The following SAMD8 variants were observed in gnomAD, a reference collection of about 807,000 sequenced individuals.
SAMD8 encodes sphingomyelin synthase-related protein 1.
SAMD8 carries 20 observed loss-of-function variants against 42.0 expected under a neutral mutation model. That is an observed-to-expected ratio of 0.48 (90% CI 0.34 to 0.69). SAMD8 has a LOEUF of 0.69. Ranked by LOEUF, SAMD8 falls within the 30% of genes least tolerant of loss-of-function variation. The pLI, the probability that SAMD8 is intolerant of heterozygous loss-of-function variation, is 0.01. For missense variants in SAMD8, 328 were observed against 511.6 expected (o/e 0.64, Z 3.46); for synonymous variants, 162 against 173.0 (o/e 0.94, Z 0.50).
chr10:75,129,648 A>G (rs997435432), intron 1 of SAMD8, among the ~76,000 whole-genome samples: 3 of 152,336 alleles, frequency 2.0e-5, no homozygotes, highest in Admixed American at 6.5e-5. Context: ...ACAGTAGAAA[A>G]TGGTTTGTTT....
chr10:75,167,126 T>G (rs1831213395), intron 3 of SAMD8, among the ~76,000 whole-genome samples: 1 of 152,228 alleles, frequency 6.6e-6, no homozygotes, highest in Non-Finnish European at 1.5e-5. Flanking sequence ...TGACAGTTAC[T>G]CAGAATTTTT....
intron 1 of SAMD8, among the ~76,000 whole-genome samples, chr10:75,145,510 C>A (rs1312380414): frequency 6.6e-6 from 1 of 152,058 alleles, no homozygotes; most frequent in East Asian, 1.9e-4. Context: ...TATTCTTGAG[C>A]TTTTTGTGGG....
rs548264864 is a variant in SAMD8 at position 75,175,960 on chromosome 10, T to G, written c.793-106T>G. ...GAAGGCCTAGATGCTTTGGCTTAGA[T>G]CTTATTTCTAAGTTATTCAGCATTT... is the stretch of plus-strand genomic sequence containing the variant. On this transcript the variant is annotated intron_variant, in intron 4 of 5. Coordinates refer to ENST00000542569, the MANE Select transcript of SAMD8 (RefSeq NM_001174156.2). 5.9e-6 allele frequency: 9 copies of G among 1,521,490 alleles called. 1 individual carries two copies. The East Asian group carries it at 9.1e-5, about 15-fold the overall frequency. 94.2% of individuals were successfully genotyped at this position (1,521,490 alleles called of 1,614,324 possible).
upstream of SAMD8, among the ~76,000 whole-genome samples, chr10:75,110,121 G>C (rs1245804733): frequency 6.6e-6 from 1 of 152,120 alleles, no homozygotes; most frequent in African/African-American, 2.4e-5. Context: ...CGGGCCAATG[G>C]GGCAAGGTTT....
rs1840635435 is a variant in SAMD8 at position 75,164,700 on chromosome 10, T to G, written c.634T>G (p.Cys212Gly). ...AMTEVCGMIL[C>G]YIWLLVLLLH... ...GACGGAAGTATGTGGCATGATTCTG[T>G]GCTATATTTGGCTCCTGGTTCTTCT... Residue 212 changes from cysteine to glycine, a missense_variant, in exon 3 of 6, where the codon TGC becomes GGC. Physicochemically the swap from Cys to Gly is radical, Grantham distance 159. Coordinates refer to ENST00000542569, the MANE Select transcript of SAMD8 (RefSeq NM_001174156.2). The G allele has an allele frequency of 3.7e-6, 6 of 1,614,040 alleles. No homozygotes were observed. Among genetic ancestry groups the G allele is most frequent in the Non-Finnish European group, 4.2e-6 (5 of 1,180,026 alleles).
At chr10:75,144,061 G>A (rs989939462) in intron 1 of SAMD8, among the ~76,000 whole-genome samples, 3 of 150,222 alleles carry the variant, frequency 2.0e-5, no homozygotes, top group East Asian at 2.0e-4. Flanking sequence ...TCTGCCTCCC[G>A]GGTTCAAGTG....
chr10:75,133,768 G>A (rs548460419), intron 1 of SAMD8, among the ~76,000 whole-genome samples: 10 of 152,208 alleles, frequency 6.6e-5, no homozygotes, highest in Non-Finnish European at 1.3e-4. Flanking sequence ...AGTTAATCTT[G>A]TAGAAGTAGA....
chr10:75,162,813 TG>T (rs1441309939), intron 2 of SAMD8, among the ~76,000 whole-genome samples: 1 of 152,034 alleles, frequency 6.6e-6, no homozygotes, highest in Non-Finnish European at 1.5e-5. Flanking sequence ...ATTGATAGTT[TG>T]GGGATGAGTT....
chr10:75,172,353 A>G (rs1323747038), intron 4 of SAMD8, among the ~76,000 whole-genome samples: 1 of 151,948 alleles, frequency 6.6e-6, no homozygotes, highest in Admixed American at 6.6e-5. Flanking sequence ...TTTTTTTAAG[A>G]CAGATTCTCG....
chr10:75,141,421 T>C (rs1840012215), intron 1 of SAMD8, among the ~76,000 whole-genome samples: 1 of 152,106 alleles, frequency 6.6e-6, no homozygotes, highest in Admixed American at 6.5e-5. Flanking sequence ...GCAATCTTGC[T>C]AAACTGACTT....
chr10:75,161,553 GAA>G (rs200288673), intron 2 of SAMD8, among the ~76,000 whole-genome samples: 2 of 139,820 alleles, frequency 1.4e-5, no homozygotes, highest in African/African-American at 5.3e-5. Context: ...AGCGCAAACA[GAA>G]AAAAAAAAGT....
rs558568746 is a variant in SAMD8, at chr10:75,131,237, A to G, written c.-15-19277A>G. On this transcript the variant is annotated intron_variant, in intron 1 of 5. Transcript: ENST00000542569. ...TTTAATCTGAGGCTTGCAGAGCACT[A>G]TGTGACCATCCATTCTAATTCTGCT... Among the ~76,000 whole-genome samples, 5 of 152,326 alleles carry G rather than the reference A, an allele frequency of 3.3e-5. No homozygotes were observed. The South Asian group carries it at 1.0e-3, about 32-fold the overall frequency.
chr10:75,138,687 ATTTG>A (rs1410336295), intron 1 of SAMD8, among the ~76,000 whole-genome samples: 2 of 152,300 alleles, frequency 1.3e-5, no homozygotes, highest in African/African-American at 2.4e-5. Flanking sequence ...TATGAACTAA[ATTTG>A]TTTGGAGAGA....
chr10:75,167,866 T>C (rs1037570329), intron 3 of SAMD8, among the ~76,000 whole-genome samples: 4 of 152,216 alleles, frequency 2.6e-5, no homozygotes, highest in Non-Finnish European at 5.9e-5. Flanking sequence ...GGGCTGCAAT[T>C]ACAAGCATGA....
chr10:75,165,438 A>G (rs1258630972), intron 3 of SAMD8, among the ~76,000 whole-genome samples: 1 of 152,018 alleles, frequency 6.6e-6, no homozygotes, highest in Non-Finnish European at 1.5e-5. Flanking sequence ...TGGGAGGGCA[A>G]GGCAGGCGGA....
intron 1 of SAMD8, among the ~76,000 whole-genome samples, chr10:75,120,160 T>C (rs1848971797): frequency 6.6e-6 from 1 of 152,374 alleles, no homozygotes; most frequent in Non-Finnish European, 1.5e-5. Flanking sequence ...GCTGTGTCTT[T>C]CTAGTTTTTA....
chr10:75,129,254 T>A (rs1234810451), intron 1 of SAMD8, among the ~76,000 whole-genome samples: 1 of 152,034 alleles, frequency 6.6e-6, no homozygotes, highest in Non-Finnish European at 1.5e-5. Context: ...TTTTTTTGTT[T>A]GTTTTGAGAT....
At chr10:75,109,268 G>A, upstream of SAMD8, 9 of 1,295,024 alleles carry the variant, frequency 6.9e-6, no homozygotes, top group Non-Finnish European at 9.2e-6. Flanking sequence ...AAGTGACTCA[G>A]CAAGTCACAG....
rs376588160 is a variant in SAMD8 at position 75,164,646 on chromosome 10, G to A, written c.580G>A (p.Val194Ile). 17 of 1,613,480 alleles carry A rather than the reference G, an allele frequency of 1.1e-5. No homozygotes were observed. Among genetic ancestry groups the A allele is most frequent in the Non-Finnish European group, 1.4e-5 (16 of 1,179,730 alleles). Residue 194 changes from valine (V) to isoleucine (I), a missense_variant and splice_region_variant, in exon 3 of 6, where the codon GTT (valine) becomes ATT (isoleucine). Around this residue, in one of 2 missense-constraint regions of SAMD8, gnomAD observed 178 missense variants for 325.6 expected, o/e 0.55. Coordinates refer to ENST00000542569, the MANE Select transcript of SAMD8 (RefSeq NM_001174156.2). ...PPLPDIFLDS[V>I]PRIPWAFAMT... ...CAAAATCATTTTTTTCTGTTCCAGC[G>A]TTCCTAGAATCCCATGGGCCTTTGC...
Sources: allele counts gnomAD v4.1 joint callset (sites outside exome capture counted in the v4.1 genomes callset), GRCh38; gene constraint gnomAD v4.1.1; regional missense constraint gnomAD v4.1.1; transcripts MANE v1.5; gene names NCBI Gene and HGNC (gene_info 2026-07-23, HGNC 2026-07-21).